The following DPP6 variants were observed in gnomAD, a reference collection of about 807,000 sequenced individuals.
DPP6 encodes A-type potassium channel modulatory protein DPP6.
Under a neutral mutation model 122.6 loss-of-function variants are expected in DPP6, and 69 were observed. The ratio of observed to expected loss-of-function variants is 0.56; its 90% CI spans 0.46 to 0.69. DPP6 has a LOEUF of 0.69. Among genes scored for constraint, DPP6 ranks in the 30% least tolerant of loss-of-function variants. The pLI, the probability that DPP6 is intolerant of heterozygous loss-of-function variation, is 0.00. For missense variants in DPP6, 928 were observed against 1,116.9 expected (o/e 0.83, Z 2.41); for synonymous variants, 418 against 433.1 (o/e 0.97, Z 0.43).
chr7:153,901,487 A>G (rs1205923870), intron 1 of DPP6, among the ~76,000 whole-genome samples: 1 of 152,228 alleles, frequency 6.6e-6, no homozygotes, highest in African/African-American at 2.4e-5. Flanking sequence ...CAGTTTGGTT[A>G]GAAGAGGAAA....
chr7:154,666,511 G>C (rs1838178452), intron 6 of DPP6, among the ~76,000 whole-genome samples: 1 of 151,652 alleles, frequency 6.6e-6, no homozygotes, highest in Non-Finnish European at 1.5e-5. Context: ...TGGTATAATA[G>C]TTAACATCTA....
At chr7:154,329,720 C>T (rs1444226217) in intron 1 of DPP6, among the ~76,000 whole-genome samples, 1 of 152,194 alleles carries the variant, frequency 6.6e-6, no homozygotes, top group Non-Finnish European at 1.5e-5. Flanking sequence ...TATAAGGACA[C>T]TTGCACACAT....
chr7:154,150,303 A>C (rs1240840160), intron 1 of DPP6, among the ~76,000 whole-genome samples: 3 of 152,130 alleles, frequency 2.0e-5, no homozygotes, highest in African/African-American at 7.2e-5. Flanking sequence ...TTGGGCACCC[A>C]CCTTGACTTA....
intron 1 of DPP6, among the ~76,000 whole-genome samples, chr7:154,088,191 A>G (rs577857088): frequency 1.3e-5 from 2 of 152,256 alleles, no homozygotes; most frequent in South Asian, 4.2e-4. Flanking sequence ...GTCCTTGACT[A>G]TCTTTTAGGG....
intron 1 of DPP6, among the ~76,000 whole-genome samples, chr7:153,950,502 T>C (rs1802160773): frequency 6.6e-6 from 1 of 152,118 alleles, no homozygotes; most frequent in African/African-American, 2.4e-5. Flanking sequence ...GTTAGAAATA[T>C]GTTTGCAGGT....
chr7:154,807,173 G>T (rs928775116), intron 16 of DPP6, 61 bp downstream of exon 16: 5 of 1,586,566 alleles, frequency 3.2e-6, no homozygotes, highest in African/African-American at 2.7e-5. Context: ...CAGGGAGGGG[G>T]TGGGCACACT....
intron 7 of DPP6, among the ~76,000 whole-genome samples, chr7:154,677,708 G>T (rs1586870871): frequency 1.3e-5 from 2 of 152,230 alleles, no homozygotes; most frequent in African/African-American, 4.8e-5. Context: ...GGCCACGTGG[G>T]TGGCACTGCA....
chr7:154,563,237 G>T (rs1391924287), intron 4 of DPP6, among the ~76,000 whole-genome samples: 1 of 152,214 alleles, frequency 6.6e-6, no homozygotes, highest in Non-Finnish European at 1.5e-5. Flanking sequence ...AATGGCATGT[G>T]CCTGGCTTGC....
Position 154,883,577 on chromosome 7 carries a change from C to T in DPP6, c.2134-2056C>T, listed in dbSNP as rs940411223. 2 of 70,860 alleles carry T rather than the reference C, an allele frequency of 2.8e-5. 1 individual carries two copies. Among genetic ancestry groups the T allele is most frequent in the Non-Finnish European group, 5.7e-5 (2 of 34,880 alleles). The allele number at this position is 70,860 out of a possible 1,614,324, so 4.4% of individuals were successfully genotyped here. A position where few individuals can be genotyped will look rare whatever the true frequency, so the allele number is the denominator to read the frequency against. ...CTGCTCACACATACACATACATGCT[C>T]ACCCATACACCTGCTCACACACACA... On this transcript the variant is annotated intron_variant, in intron 21 of 25. Coordinates refer to ENST00000377770, the MANE Select transcript of DPP6 (RefSeq NM_130797.4).
At chr7:154,775,998 C>T (rs553848542) in intron 10 of DPP6, among the ~76,000 whole-genome samples, 4 of 152,022 alleles carry the variant, frequency 2.6e-5, no homozygotes, top group African/African-American at 7.2e-5. Flanking sequence ...AACCCCCCGC[C>T]GTTCCCCACT....
intron 1 of DPP6, among the ~76,000 whole-genome samples, chr7:154,150,347 G>A (rs1796349088): frequency 6.6e-6 from 1 of 152,152 alleles, no homozygotes; most frequent in African/African-American, 2.4e-5. Flanking sequence ...AAGGATGGGG[G>A]AAACCAATCC....
intron 1 of DPP6, among the ~76,000 whole-genome samples, chr7:154,371,612 G>C (rs557158111): frequency 6.6e-6 from 1 of 152,144 alleles, no homozygotes; most frequent in Non-Finnish European, 1.5e-5. Flanking sequence ...CCGCTGTCCT[G>C]AATGCACACG....
At chr7:153,931,051 A>C (rs1010972364) in intron 1 of DPP6, among the ~76,000 whole-genome samples, 7 of 152,180 alleles carry the variant, frequency 4.6e-5, no homozygotes, top group African/African-American at 1.2e-4. Context: ...GTTCCATCCC[A>C]AGGTGACTCC....
chr7:154,871,081 G>A (rs62472963), intron 18 of DPP6, among the ~76,000 whole-genome samples: 39,063 of 151,816 alleles, frequency 0.26, 6,405 homozygotes, highest in East Asian at 0.54. Context: ...CAGCCTTGGC[G>A]GCCAGACTGT....
At chr7:153,887,216 C>T (rs574479041) in exon 1 of DPP6, 340 of 153,422 alleles carry the variant, frequency 2.2e-3, no homozygotes, top group South Asian at 3.9e-3. Context: ...CCCGCACCGC[C>T]TGCTGGAGGA....
intron 1 of DPP6, among the ~76,000 whole-genome samples, chr7:154,176,528 C>G (rs1797809193): frequency 1.3e-5 from 2 of 152,216 alleles, no homozygotes; most frequent in Admixed American, 1.3e-4. Context: ...TTTGGTGAAA[C>G]TTTTGTTTCA....
chr7:153,963,630 C>T (rs974305967), intron 1 of DPP6, among the ~76,000 whole-genome samples: 1 of 152,084 alleles, frequency 6.6e-6, no homozygotes, highest in Non-Finnish European at 1.5e-5. Flanking sequence ...CAAGCCCCAC[C>T]TCCTGTCAGA....
At chr7:153,927,231 T>C (rs796962434) in intron 1 of DPP6, among the ~76,000 whole-genome samples, 30 of 152,320 alleles carry the variant, frequency 2.0e-4, no homozygotes, top group African/African-American at 6.7e-4. Context: ...GAGGATCACT[T>C]GAGTGCCGGA....
At chr7:154,866,149 C>T (rs768737038) in intron 17 of DPP6, among the ~76,000 whole-genome samples, 14 of 152,206 alleles carry the variant, frequency 9.2e-5, no homozygotes, top group South Asian at 2.1e-4. Flanking sequence ...CAGGGCAGCA[C>T]GTGCAAAGGC....
Sources: gnomAD v4.1 joint callset for allele counts (sites outside exome capture counted in the v4.1 genomes callset) on GRCh38, gnomAD v4.1.1 for gene constraint, MANE v1.5 for transcripts, NCBI Gene and HGNC (gene_info 2026-07-23, HGNC 2026-07-21) for gene names.